Variants in DYRK1A observed in about 807,000 individuals in gnomAD.
DYRK1A encodes dual specificity tyrosine-phosphorylation-regulated kinase 1A.
Under a neutral mutation model 79.7 loss-of-function variants are expected in DYRK1A, and 9 were observed. That is an observed-to-expected ratio of 0.11 (90% CI 0.07 to 0.20). The LOEUF is 0.20. DYRK1A is among the 10% of genes least tolerant of loss of function. The pLI, the probability that DYRK1A is intolerant of heterozygous loss-of-function variation, is 1.00. For synonymous variants in DYRK1A, 349 were observed against 329.7 expected, an observed-to-expected ratio of 1.06 and a Z score of -0.63; for missense variants, 622 against 956.0, an observed-to-expected ratio of 0.65 and a Z score of 4.61.
intron 11 of DYRK1A, among the ~76,000 whole-genome samples, chr21:37,510,926 A>G (rs2053731870): frequency 6.6e-6 from 1 of 152,198 alleles, no homozygotes; most frequent in African/African-American, 2.4e-5. Context: ...AATATTGTGC[A>G]CAACCAGTAG....
intron 2 of DYRK1A, among the ~76,000 whole-genome samples, chr21:37,469,069 C>CA (rs1384342868): frequency 2.6e-5 from 4 of 152,242 alleles, no homozygotes; most frequent in Non-Finnish European, 4.4e-5. Flanking sequence ...CAAAAATGCT[C>CA]AGAGTAACTA....
chr21:37,510,209 T>G (rs919871185), intron 11 of DYRK1A, among the ~76,000 whole-genome samples: 1 of 152,262 alleles, frequency 6.6e-6, no homozygotes, highest in East Asian at 1.9e-4. Flanking sequence ...GGTAATGTGA[T>G]TTATAATTTT....
At chr21:37,415,946 T>G (rs2050330000) in intron 1 of DYRK1A, among the ~76,000 whole-genome samples, 1 of 152,162 alleles carries the variant, frequency 6.6e-6, no homozygotes, top group South Asian at 2.1e-4. Context: ...TGCAGAGTAG[T>G]GCATATAGGG....
intron 1 of DYRK1A, among the ~76,000 whole-genome samples, chr21:37,375,392 A>C (rs1224476129): frequency 3.3e-5 from 5 of 152,158 alleles, no homozygotes; most frequent in Non-Finnish European, 5.9e-5. Context: ...TCTTGTCCTC[A>C]AATTACTACT....
At chr21:37,418,493 G>A (rs1292740807) in intron 1 of DYRK1A, among the ~76,000 whole-genome samples, 1 of 151,970 alleles carries the variant, frequency 6.6e-6, no homozygotes, top group Non-Finnish European at 1.5e-5. Flanking sequence ...TACTTCTATC[G>A]AAACTGGCGA....
chr21:37,465,634 C>G (rs2051999664), intron 2 of DYRK1A, among the ~76,000 whole-genome samples: 1 of 152,036 alleles, frequency 6.6e-6, no homozygotes, highest in Non-Finnish European at 1.5e-5. Flanking sequence ...GTCAGGAGTT[C>G]AAGACCAGCC....
At chr21:37,486,261 A>C (rs529996442) in intron 5 of DYRK1A, 5 of 348,520 alleles carry the variant, frequency 1.4e-5, no homozygotes, top group Non-Finnish European at 2.1e-5. Context: ...AATTCAATTT[A>C]AAAGATTGAT....
intron 11 of DYRK1A, among the ~76,000 whole-genome samples, chr21:37,507,521 G>A (rs1420415073): frequency 6.6e-6 from 1 of 152,080 alleles, no homozygotes; most frequent in Non-Finnish European, 1.5e-5. Context: ...GCCGGTGTCA[G>A]CGGTGACCTT....
Position 37,449,568 on chromosome 21 carries a change from T to A in DYRK1A, c.11-23116T>A, listed in dbSNP as rs138663945. 3.2e-3 allele frequency among the ~76,000 whole-genome samples: 480 copies of A among 152,270 alleles called. 5 individuals carry two copies. Among genetic ancestry groups the A allele is most frequent in the African/African-American group, 0.011 (447 of 41,544 alleles). ...CTTGGTCTTAGTCACGTGGCCATGC[T>A]AACTGCAAGGGAGGCTGGAAATGTA... On this transcript the variant is annotated intron_variant, in intron 2 of 11. Transcript: ENST00000647188.
chr21:37,371,207 A>G (rs1223290834), intron 1 of DYRK1A, among the ~76,000 whole-genome samples: 1 of 152,236 alleles, frequency 6.6e-6, no homozygotes. Context: ...AAAGTTTACC[A>G]TAGAGTGTTT....
chr21:37,519,091 TGTG>T lies in DYRK1A; in HGVS notation c.*6562_*6564del, dbSNP rs1292993547. 6.6e-6 allele frequency: 1 copy of T among 152,224 alleles called. No homozygotes were observed. Among genetic ancestry groups the T allele is most frequent in the African/African-American group, 2.4e-5 (1 of 41,456 alleles). The allele number at this position is 152,224 out of a possible 1,614,324, so 9.4% of individuals were successfully genotyped here. ...TTTGTTCCTTTTTGTTGTCTTCCCTTGTGGAGATGGGTCAGTGTAACATCCTAT... is the reference window on the plus strand; with the variant it reads ...TTTGTTCCTTTTTGTTGTCTTCCCTTGAGATGGGTCAGTGTAACATCCTAT... On this transcript the variant is annotated 3_prime_UTR_variant, in exon 12 of 12. Transcript: ENST00000647188.
chr21:37,464,302 T>C (rs1291871849), intron 2 of DYRK1A: 1 of 502,584 alleles, frequency 2.0e-6, no homozygotes. Flanking sequence ...ATATGGTCTC[T>C]AGTTATTATA....
chr21:37,398,280 T>C (rs1432415414), intron 1 of DYRK1A, among the ~76,000 whole-genome samples: 1 of 151,346 alleles, frequency 6.6e-6, no homozygotes, highest in Non-Finnish European at 1.5e-5. Flanking sequence ...AGTCCAGGGC[T>C]GCAGTATGGT....
At chr21:37,405,701 C>T (rs904278465) in intron 1 of DYRK1A, among the ~76,000 whole-genome samples, 3 of 152,190 alleles carry the variant, frequency 2.0e-5, no homozygotes, top group African/African-American at 7.2e-5. Context: ...ATGTTTCCCT[C>T]TTTTAGCAAT....
Position 37,498,303 on chromosome 21 carries a change from C to T in DYRK1A, c.1212+2045C>T, listed in dbSNP as rs563438277. Among the ~76,000 whole-genome samples, 9 of 152,068 alleles carry T rather than the reference C, an allele frequency of 5.9e-5. No homozygotes were observed. In the South Asian group the frequency reaches 1.9e-3, roughly 32 times the overall value. The stretch of plus-strand genomic sequence containing the variant: ...TTTCACCTTTGTGTACAGCAGTGTC[C>T]CCCATCTAAACCAATATGAAAGATT... On this transcript the variant is annotated intron_variant, in intron 9 of 11. Transcript: ENST00000647188.
chr21:37,368,658 G>T (rs1395407044), intron 1 of DYRK1A, among the ~76,000 whole-genome samples: 1 of 152,154 alleles, frequency 6.6e-6, no homozygotes, highest in African/African-American at 2.4e-5. Flanking sequence ...TTGCCCAGCC[G>T]GTAGGAACTG....
intron 9 of DYRK1A, among the ~76,000 whole-genome samples, chr21:37,497,360 T>G (rs2053302631): frequency 6.6e-6 from 1 of 152,196 alleles, no homozygotes. Flanking sequence ...GCAGTGCAGT[T>G]TCCAGCTGCT....
intron 2 of DYRK1A, among the ~76,000 whole-genome samples, chr21:37,446,392 G>A (rs2051271520): frequency 1.3e-5 from 2 of 152,016 alleles, no homozygotes; most frequent in South Asian, 2.1e-4. Flanking sequence ...CTAACAAGTT[G>A]CATTTTCAAG....
At chr21:37,486,730 G>T in intron 6 of DYRK1A, 116 bp downstream of exon 6, 1 of 1,077,038 alleles carries the variant, frequency 9.3e-7, no homozygotes. Flanking sequence ...TTAAAAATTT[G>T]TTTATTTCTG....
Sources: allele counts gnomAD v4.1 joint callset (sites outside exome capture counted in the v4.1 genomes callset), GRCh38; gene constraint gnomAD v4.1.1; transcripts MANE v1.5; gene names NCBI Gene and HGNC (gene_info 2026-07-23, HGNC 2026-07-21).